PAX2: variants seen among roughly 807,000 people sequenced by gnomAD.
PAX2 encodes the protein paired box 2, also known as paired box protein Pax-2.
Under a neutral mutation model 41.7 loss-of-function variants are expected in PAX2, and 9 were observed. That is an observed-to-expected ratio of 0.22 (90% CI 0.13 to 0.38). The LOEUF (loss-of-function observed/expected upper bound fraction) is 0.38, where lower values mean the gene tolerates loss of function less well. Among genes scored for constraint, PAX2 ranks in the 10% least tolerant of loss-of-function variants. The pLI, the probability that PAX2 is intolerant of heterozygous loss-of-function variation, is 1.00. For synonymous variants in PAX2, 221 were observed against 212.7 expected (o/e 1.04, Z -0.34); for missense variants, 418 against 531.6 (o/e 0.79, Z 2.10).
chr10:100,801,073 C>A (rs1847545765), intron 5 of PAX2, among the ~76,000 whole-genome samples: 2 of 152,174 alleles, frequency 1.3e-5, no homozygotes, highest in Non-Finnish European at 2.9e-5. Flanking sequence ...CTGTCAGTAG[C>A]CCCACACTCT....
chr10:100,737,940 GAGA>G lies in PAX2; in HGVS notation c.25+2210_25+2212del, dbSNP rs576353745. On this transcript the variant is annotated intron_variant, in intron 1 of 9. Transcript: ENST00000679374. Reference sequence around the variant, plus strand: ...AGCGAAAACCATCAGGAAAGGGCGAGAGAAGGAGGAAGGGGATTGAATCAGCAA... The same window carrying G: ...AGCGAAAACCATCAGGAAAGGGCGAGAGGAGGAAGGGGATTGAATCAGCAA... Among the ~76,000 whole-genome samples the G allele has an allele frequency of 4.6e-5, 7 of 152,378 alleles. No homozygotes were observed. The East Asian group carries it at 1.3e-3, about 29-fold the overall frequency.
intron 5 of PAX2, among the ~76,000 whole-genome samples, chr10:100,803,645 C>T (rs1029863988): frequency 5.9e-5 from 9 of 152,070 alleles, no homozygotes; most frequent in African/African-American, 1.9e-4. Flanking sequence ...CAGGAGTTCC[C>T]GCAAGCCTCC....
At chr10:100,794,516 G>C (rs1238799624) in intron 5 of PAX2, among the ~76,000 whole-genome samples, 1 of 152,112 alleles carries the variant, frequency 6.6e-6, no homozygotes, top group African/African-American at 2.4e-5. Context: ...TGCTGGGCTG[G>C]GTCCTGGGTG....
In PAX2 at chr10:100,756,352, T is replaced by C. The variant is rs59957649; in HGVS notation, c.410+5461T>C. ...TGCCTCTTAATACTCAAGTCTATCT[T>C]CACCCCCTCCTTGTGTCTACCTGGA... On this transcript the variant is annotated intron_variant, in intron 3 of 9. Transcript: ENST00000355243. 9.0e-3 allele frequency among the ~76,000 whole-genome samples: 1,374 copies of C among 152,318 alleles called. 22 individuals carry two copies. Among genetic ancestry groups the C allele is most frequent in the African/African-American group, 0.031 (1,304 of 41,566 alleles).
In PAX2 at chr10:100,829,454, C is replaced by G. The variant is rs1164123193; in HGVS notation, c.*1835C>G. 2 of 207,644 alleles carry G rather than the reference C, an allele frequency of 9.6e-6. No homozygotes were observed. The highest frequency in any genetic ancestry group is 2.3e-5 in the African/African-American group (1 of 43,944). 12.9% of individuals were successfully genotyped at this position (207,644 alleles called of 1,614,324 possible). The stretch of plus-strand genomic sequence containing the variant: ...CCGGGCGGCCGAAGGCCGGGCCGCC[C>G]CGTCCCGCCCCGTAGTTGCTCTTTC... On this transcript the variant is annotated 3_prime_UTR_variant, in exon 10 of 10. Transcript: ENST00000355243.
chr10:100,804,534 A>G (rs970309808), intron 5 of PAX2, among the ~76,000 whole-genome samples: 1 of 152,222 alleles, frequency 6.6e-6, no homozygotes, highest in Non-Finnish European at 1.5e-5. Context: ...ACAATAGGAC[A>G]CGCAAATAGC....
intron 7 of PAX2, among the ~76,000 whole-genome samples, chr10:100,814,735 G>A (rs927507249): frequency 2.0e-5 from 3 of 152,380 alleles, no homozygotes; most frequent in Non-Finnish European, 2.9e-5. Flanking sequence ...ATCCTGGTTG[G>A]GGGAAGGTGG....
Position 100,764,057 on chromosome 10 carries a change from TA to T in PAX2, c.410+13168del, listed in dbSNP as rs1845927419. Among the ~76,000 whole-genome samples the T allele has an allele frequency of 3.3e-5, 5 of 152,148 alleles. No homozygotes were observed. In the South Asian group the frequency reaches 1.0e-3, roughly 32 times the overall value. On this transcript the variant is annotated intron_variant, in intron 3 of 9. Coordinates refer to ENST00000355243, the MANE Select transcript of PAX2 (RefSeq NM_000278.5). ...ATGCTAGTTATTATTATTGCAGTAG[TA>T]ATAATCAAGTCTGTATTTCTTGTTA...
intron 3 of PAX2, among the ~76,000 whole-genome samples, chr10:100,778,880 C>T (rs1322392567): frequency 6.6e-6 from 1 of 152,162 alleles, no homozygotes; most frequent in Non-Finnish European, 1.5e-5. Context: ...AGTAAGTGGG[C>T]TCAAGAAGAG....
Position 100,824,357 on chromosome 10 carries a change from C to T in PAX2, c.920-291C>T, listed in dbSNP as rs1483388124. Among the ~76,000 whole-genome samples, 1 of 115,604 alleles carries T rather than the reference C, an allele frequency of 8.7e-6. No homozygotes were observed. Among genetic ancestry groups the T allele is most frequent in the Non-Finnish European group, 1.7e-5 (1 of 60,102 alleles). 75.8% of individuals were successfully genotyped at this position (115,604 alleles called of 152,430 possible). A position where few individuals can be genotyped will look rare whatever the true frequency, so the allele number is the denominator to read the frequency against. ...AGAGACACAGGCAAAGGCAGATACA[C>T]ACACACACACACACACACACACACA... On this transcript the variant is annotated intron_variant, in intron 7 of 9. Transcript: ENST00000355243. This position sits in a 1 kb window ranked among gnomAD's most constrained non-coding sequence, Gnocchi z 6.6.
At chr10:100,744,416 C>G (rs943681511), upstream of PAX2, among the ~76,000 whole-genome samples, 6 of 152,372 alleles carry the variant, frequency 3.9e-5, no homozygotes, top group East Asian at 1.2e-3. Context: ...CCCGGATATT[C>G]TGTACTTAAC....
chr10:100,805,619 C>T (rs1847752113), intron 5 of PAX2, among the ~76,000 whole-genome samples: 2 of 152,176 alleles, frequency 1.3e-5, no homozygotes, highest in East Asian at 3.9e-4. Flanking sequence ...GGGGAGCAGG[C>T]ACCGGTGTGA....
At chr10:100,821,014 T>G (rs576021529) in intron 7 of PAX2, among the ~76,000 whole-genome samples, 9 of 152,370 alleles carry the variant, frequency 5.9e-5, no homozygotes, top group African/African-American at 1.9e-4. Flanking sequence ...TCTGCACTCA[T>G]GTTTTTCCAT....
intron 5 of PAX2, among the ~76,000 whole-genome samples, chr10:100,785,500 G>A (rs994080450): frequency 4.6e-5 from 7 of 152,212 alleles, no homozygotes; most frequent in Admixed American, 1.3e-4. Flanking sequence ...TGCGTTTGCA[G>A]GCAGGGCAGG....
At chr10:100,793,575 A>T (rs1285501555) in intron 5 of PAX2, among the ~76,000 whole-genome samples, 2 of 152,168 alleles carry the variant, frequency 1.3e-5, no homozygotes, top group Non-Finnish European at 2.9e-5. Flanking sequence ...AAGTTATTCA[A>T]AGTGAGGAAA....
rs1221090172 is a variant in PAX2 at position 100,826,996 on chromosome 10, G to A, written c.1022-13G>A. 1.2e-6 allele frequency: 2 copies of A among 1,603,598 alleles called. No individual in the cohort carries two copies. Among genetic ancestry groups the A allele is most frequent in the Non-Finnish European group, 1.7e-6 (2 of 1,170,772 alleles). On this transcript the variant is annotated splice_polypyrimidine_tract_variant and intron_variant, in intron 8 of 9. Coordinates refer to ENST00000355243, the MANE Select transcript of PAX2 (RefSeq NM_000278.5). The surrounding 1 kb of genome is among the most constrained non-coding windows in gnomAD (Gnocchi z 5.5). Reference sequence around the variant, plus strand: ...TGCAGGCGTCTGATCCCCACTCCCCGACCCTCCCGCAGGGAGCGAGTTCTC... The same window carrying A: ...TGCAGGCGTCTGATCCCCACTCCCCAACCCTCCCGCAGGGAGCGAGTTCTC...
Position 100,827,856 on chromosome 10 carries a change from C to T in PAX2, c.*237C>T. ...AGGCCCGGGCCCGCCGCCCCCAGCCCCGCCTGCCGCCCCTCCCCGCCTGCC... is the reference window on the plus strand; with the variant it reads ...AGGCCCGGGCCCGCCGCCCCCAGCCTCGCCTGCCGCCCCTCCCCGCCTGCC... On this transcript the variant is annotated 3_prime_UTR_variant, in exon 10 of 10. Transcript: ENST00000355243. The surrounding 1 kb of genome is among the most constrained non-coding windows in gnomAD (Gnocchi z 8.5). 1.7e-6 allele frequency: 1 copy of T among 585,842 alleles called. No individual in the cohort carries two copies. Among genetic ancestry groups the T allele is most frequent in the Non-Finnish European group, 3.0e-6 (1 of 336,284 alleles). The allele number at this position is 585,842 out of a possible 1,614,324, so 36.3% of individuals were successfully genotyped here.
rs758475143 is a variant in PAX2, at chr10:100,749,758, G to T, written c.56G>T (p.Gly19Val). The T allele has an allele frequency of 2.5e-6, 4 of 1,611,262 alleles. No homozygotes were observed. The highest frequency in any genetic ancestry group is 1.3e-5 in the African/African-American group (1 of 74,904). Residue 19 changes from glycine (G) to valine (V), a missense_variant, in exon 2 of 10, where the codon GGT becomes GTT. Physicochemically the swap from Gly to Val is moderately radical, Grantham distance 109 (BLOSUM62 -3). Transcript: ENST00000355243. ...PFSAMHPGHG[G>V]VNQLGGVFVN... ...TGTCTCTCCCCAGCAGGGCACGGGG[G>T]TGTGAACCAGCTCGGGGGGGTGTTT...
At chr10:100,816,510 A>T (rs931350712) in intron 7 of PAX2, among the ~76,000 whole-genome samples, 2 of 152,212 alleles carry the variant, frequency 1.3e-5, no homozygotes, top group Non-Finnish European at 2.9e-5. Context: ...TCCCAATGAA[A>T]CAGGTATGTA....
Sources: allele counts gnomAD v4.1 joint callset (sites outside exome capture counted in the v4.1 genomes callset), GRCh38; gene constraint gnomAD v4.1.1; non-coding constraint Gnocchi (gnomAD v3.1); transcripts MANE v1.5; gene names NCBI Gene and HGNC (gene_info 2026-07-23, HGNC 2026-07-21).